DVL3: variants seen among roughly 807,000 people sequenced by gnomAD.
DVL3 encodes dishevelled segment polarity protein 3, also known as segment polarity protein dishevelled homolog DVL-3.
A neutral mutation model predicts 67.4 loss-of-function variants in DVL3; 27 were observed. That is an observed-to-expected ratio of 0.40 (90% CI 0.30 to 0.55). The LOEUF is 0.55. Among genes scored for constraint, DVL3 ranks in the 20% least tolerant of loss-of-function variants. The probability of loss-of-function intolerance (pLI) is 0.46; values close to 1 mark genes in which losing one functional copy is unlikely to be tolerated. For synonymous variants in DVL3, 369 were observed against 396.8 expected (o/e 0.93, Z 0.83); for missense variants, 819 against 1,021.5 (o/e 0.80, Z 2.70).
Position 184,165,015 on chromosome 3 carries a change from C to T in DVL3, c.599+84C>T. 6.2e-7 allele frequency: 1 copy of T among 1,608,580 alleles called. No homozygotes were observed. Among genetic ancestry groups the T allele is most frequent in the Non-Finnish European group, 8.5e-7 (1 of 1,176,832 alleles). ...CTGAGGATGCGGGGCCCCTGGGAGG[C>T]TTATGGGCTTTGTGTTGGGGACCCA... On this transcript the variant is annotated intron_variant, in intron 5 of 14. Coordinates refer to ENST00000313143, the MANE Select transcript of DVL3 (RefSeq NM_004423.4). The surrounding 1 kb of genome is among the most constrained non-coding windows in gnomAD (Gnocchi z 4.1).
At chr3:184,156,008 G>C (rs1377225343) in intron 1 of DVL3, among the ~76,000 whole-genome samples, 7 of 152,148 alleles carry the variant, frequency 4.6e-5, no homozygotes, top group Admixed American at 1.3e-4. Context: ...CCTTGTTTAA[G>C]GGGACGTCCA....
chr3:184,170,088 G>A lies in DVL3; in HGVS notation c.1581G>A (p.Pro527=), dbSNP rs775276473. Residue 527 remains proline (P), a synonymous_variant, in exon 14 of 15, where the codon CCG becomes CCA. Coordinates refer to ENST00000313143, the MANE Select transcript of DVL3 (RefSeq NM_004423.4). This position sits in a 1 kb window ranked among gnomAD's most constrained non-coding sequence, Gnocchi z 6.5. The part of the protein sequence containing the change: ...DQDTLAPLPH[P]GAAPWPMAFP... The stretch of plus-strand genomic sequence containing the variant: ...ACACACTGGCCCCTTTGCCGCACCC[G>A]GGGGCCGCCCCTTGGCCCATGGCTT... 27 of 1,613,602 alleles carry A rather than the reference G, an allele frequency of 1.7e-5. No homozygotes were observed. Among genetic ancestry groups the A allele is most frequent in the East Asian group, 2.2e-5 (1 of 44,868 alleles).
chr3:184,169,884 G>A (rs1000058861), intron 13 of DVL3, 122 bp from the exon 14 acceptor site: 1 of 900,486 alleles, frequency 1.1e-6, no homozygotes, highest in Non-Finnish European at 1.7e-6. Context: ...AGCTCTCTGG[G>A]CTGTGCCTCC....
chr3:184,169,965 C>T (rs1177385080), intron 13 of DVL3, 41 bp from the exon 14 acceptor site: 1 of 1,536,142 alleles, frequency 6.5e-7, no homozygotes, highest in African/African-American at 1.4e-5. Flanking sequence ...AGGGACCTCT[C>T]TCCGGAAAGA....
chr3:184,169,259 T>C (rs748041670), intron 13 of DVL3, among the ~76,000 whole-genome samples: 5 of 152,238 alleles, frequency 3.3e-5, no homozygotes, highest in Non-Finnish European at 5.9e-5. Flanking sequence ...TTCTGATTAG[T>C]TTAGGCTGAG....
chr3:184,166,950 C>T lies in DVL3; in HGVS notation c.1173C>T (p.Ile391=). The change falls in exon 11 of 15, where the codon ATC becomes ATT. Residue 391 remains isoleucine (I), a synonymous_variant. Coordinates refer to ENST00000313143, the MANE Select transcript of DVL3 (RefSeq NM_004423.4). The surrounding 1 kb of genome is among the most constrained non-coding windows in gnomAD (Gnocchi z 6.7). ...LSTITSTSSS[I]TSSIPDTERL... is the part of the protein sequence containing the mutation. Reference sequence around the variant, plus strand: ...CCATCACCTCCACCAGCTCCTCCATCACCAGTTCCATCCCTGACACAGAGC... The same window carrying T: ...CCATCACCTCCACCAGCTCCTCCATTACCAGTTCCATCCCTGACACAGAGC... 6.2e-7 allele frequency: 1 copy of T among 1,614,126 alleles called. No individual in the cohort carries two copies. The highest frequency in any genetic ancestry group is 8.5e-7 in the Non-Finnish European group (1 of 1,180,018).
At position 184,171,676 on chromosome 3, in the gene DVL3, T is replaced by C; in HGVS notation, c.*921T>C. 2.3e-6 allele frequency: 2 copies of C among 862,888 alleles called. No individual in the cohort carries two copies. Among genetic ancestry groups the C allele is most frequent in the Non-Finnish European group, 2.8e-6 (2 of 717,702 alleles). 53.5% of individuals were successfully genotyped at this position (862,888 alleles called of 1,614,324 possible). A position where few individuals can be genotyped will look rare whatever the true frequency, so the allele number is the denominator to read the frequency against. On this transcript the variant is annotated 3_prime_UTR_variant, in exon 15 of 15. Transcript: ENST00000313143. ...GCAGCCCCTCAGGGCTTCCCAAGGA[T>C]GTCCAGCCCCCACACCCACACGTTA...
In DVL3 at chr3:184,166,411, C is replaced by G; in HGVS notation, c.904-35C>G. 6.2e-7 allele frequency: 1 copy of G among 1,613,510 alleles called. No individual in the cohort carries two copies. The highest frequency in any genetic ancestry group is 1.1e-5 in the South Asian group (1 of 91,048). On this transcript the variant is annotated intron_variant, in intron 8 of 14. Transcript: ENST00000313143. This position sits in a 1 kb window ranked among gnomAD's most constrained non-coding sequence, Gnocchi z 6.7. ...TGAGTTCCCTTTTCATCCTCCCCAGCACAGCTGTTTATCCCACTCCTGGTC... is the reference window on the plus strand; with the variant it reads ...TGAGTTCCCTTTTCATCCTCCCCAGGACAGCTGTTTATCCCACTCCTGGTC...
At position 184,164,675 on chromosome 3, in the gene DVL3, C is replaced by T. The variant is rs539611046; in HGVS notation, c.463+74C>T. ...CACTTTCCACCCAGCTACCCACCTT[C>T]TTGCCCTACTTCCCGAGCTCAGGAT... is the stretch of plus-strand genomic sequence containing the variant. On this transcript the variant is annotated intron_variant, in intron 4 of 14. Transcript: ENST00000313143. The surrounding 1 kb of genome is among the most constrained non-coding windows in gnomAD (Gnocchi z 5.3). The T allele has an allele frequency of 2.1e-4, 324 of 1,561,442 alleles. 4 individuals carry two copies. In the South Asian group the frequency reaches 3.2e-3, roughly 16 times the overall value.
At position 184,168,012 on chromosome 3, in the gene DVL3, A is replaced by G; in HGVS notation, c.1445A>G (p.Asn482Ser). 3 of 1,614,272 alleles carry G rather than the reference A, an allele frequency of 1.9e-6. No individual in the cohort carries two copies. The highest frequency in any genetic ancestry group is 2.5e-6 in the Non-Finnish European group (3 of 1,180,040). ...GCTGGCTTCATCCGCCATACCGTCA[A>G]CAAGATCACCTTCTCCGAGCAGTGC... ...LKAGFIRHTV[N>S]KITFSEQCYY... is the part of the protein sequence containing the mutation. The change falls in exon 13 of 15, where the codon AAC becomes AGC. Residue 482 changes from asparagine to serine, a missense_variant. By Grantham distance (46) the Asn-to-Ser change is conservative. Around this residue, in one of 3 missense-constraint regions of DVL3, gnomAD observed 110 missense variants for 203.4 expected, o/e 0.54. Transcript: ENST00000313143.
chr3:184,163,544 G>A lies in DVL3; in HGVS notation c.162-113G>A, dbSNP rs1283278683. On this transcript the variant is annotated intron_variant, in intron 1 of 14. Coordinates refer to ENST00000313143, the MANE Select transcript of DVL3 (RefSeq NM_004423.4). The surrounding 1 kb of genome is among the most constrained non-coding windows in gnomAD (Gnocchi z 4.5). ...CCTCTGCTTTCATTTGAACAGTCTT[G>A]TGCTGGTGGTTTGATTCCCAGTTTA... is the stretch of plus-strand genomic sequence containing the variant. 3.2e-6 allele frequency: 3 copies of A among 934,818 alleles called. No individual in the cohort carries two copies. Among genetic ancestry groups the A allele is most frequent in the Middle Eastern group, 2.4e-4 (1 of 4,200 alleles). The allele number at this position is 934,818 out of a possible 1,614,324, so 57.9% of individuals were successfully genotyped here. A position where few individuals can be genotyped will look rare whatever the true frequency, so the allele number is the denominator to read the frequency against.
rs944500352 is a variant in DVL3 at position 184,167,328 on chromosome 3, T to C, written c.1199-252T>C. On this transcript the variant is annotated intron_variant, in intron 11 of 14. Coordinates refer to ENST00000313143, the MANE Select transcript of DVL3 (RefSeq NM_004423.4). The surrounding 1 kb of genome is among the most constrained non-coding windows in gnomAD (Gnocchi z 4.6). ...ATTCAGTAAACGGCAGCCATTTCGA[T>C]TATCATCACATGCACATCGTACACT... 1.3e-5 allele frequency among the ~76,000 whole-genome samples: 2 copies of C among 152,156 alleles called. No homozygotes were observed. The highest frequency in any genetic ancestry group is 2.4e-5 in the African/African-American group (1 of 41,444).
chr3:184,156,166 C>G (rs1560114978), intron 1 of DVL3, among the ~76,000 whole-genome samples: 3 of 152,150 alleles, frequency 2.0e-5, no homozygotes. Context: ...CCAGAGCCAC[C>G]TTTTTCCGCA....
Position 184,155,797 on chromosome 3 carries a change from G to A in DVL3, c.161+1G>A. 6.2e-7 allele frequency: 1 copy of A among 1,605,544 alleles called. No homozygotes were observed. The highest frequency in any genetic ancestry group is 8.5e-7 in the Non-Finnish European group (1 of 1,176,326). On this transcript the variant is annotated splice_donor_variant, in intron 1 of 14. Coordinates refer to ENST00000313143, the MANE Select transcript of DVL3 (RefSeq NM_004423.4). LOFTEE classifies it high-confidence loss of function. The surrounding 1 kb of genome is among the most constrained non-coding windows in gnomAD (Gnocchi z 5.4). ...TCAAGTCTATGGACGACGATTTCGG[G>A]TGAGGATGGCCCCCGCCCCGCCTCC...
chr3:184,170,428 C>T lies in DVL3; in HGVS notation c.1824C>T (p.Thr608=). The change falls in exon 15 of 15, where the codon ACC becomes ACT. Residue 608 remains threonine (T), a synonymous_variant. Coordinates refer to ENST00000313143, the MANE Select transcript of DVL3 (RefSeq NM_004423.4). The surrounding 1 kb of genome is among the most constrained non-coding windows in gnomAD (Gnocchi z 6.5). ...GCAGCGGCAGCGAATCGGACCACACCACACGCAGCAGCCTGCGGGGGCCGC... is the reference window on the plus strand; with the variant it reads ...GCAGCGGCAGCGAATCGGACCACACTACACGCAGCAGCCTGCGGGGGCCGC... ...SGGSGSESDH[T]TRSSLRGPRE... 6.3e-7 allele frequency: 1 copy of T among 1,594,006 alleles called. No individual in the cohort carries two copies. Among genetic ancestry groups the T allele is most frequent in the Non-Finnish European group, 8.5e-7 (1 of 1,170,736 alleles).
rs1028356506 is a variant in DVL3, at chr3:184,171,427, C to T, written c.*672C>T. Reference sequence around the variant, plus strand: ...GCTTCCAGGGAGCATCTCTGCTCTACCCCTGCCCCATGCCTGCCCTGCGTG... The same window carrying T: ...GCTTCCAGGGAGCATCTCTGCTCTATCCCTGCCCCATGCCTGCCCTGCGTG... On this transcript the variant is annotated 3_prime_UTR_variant, in exon 15 of 15. Coordinates refer to ENST00000313143, the MANE Select transcript of DVL3 (RefSeq NM_004423.4). The T allele has an allele frequency of 5.0e-6, 5 of 991,242 alleles. No individual in the cohort carries two copies. Among genetic ancestry groups the T allele is most frequent in the Non-Finnish European group, 6.0e-6 (5 of 834,040 alleles). The allele number at this position is 991,242 out of a possible 1,614,324, so 61.4% of individuals were successfully genotyped here.
rs867680039 is a variant in DVL3, at chr3:184,163,395, G to T, written c.162-262G>T. Among the ~76,000 whole-genome samples the T allele has an allele frequency of 1.3e-5, 2 of 152,232 alleles. No homozygotes were observed. Among genetic ancestry groups the T allele is most frequent in the African/African-American group, 4.8e-5 (2 of 41,446 alleles). On this transcript the variant is annotated intron_variant, in intron 1 of 14. Coordinates refer to ENST00000313143, the MANE Select transcript of DVL3 (RefSeq NM_004423.4). This position sits in a 1 kb window ranked among gnomAD's most constrained non-coding sequence, Gnocchi z 4.5. ...ATTTTAGGGAGTGGCATGGGGGACA[G>T]TGATGTGTCAGTTGTAATTTGCAAT...
Position 184,170,083 on chromosome 3 carries a change from C to A in DVL3, c.1576C>A (p.His526Asn), listed in dbSNP as rs371886763. The part of the protein sequence containing the change: ...SDQDTLAPLP[H>N]PGAAPWPMAF... The stretch of plus-strand genomic sequence containing the variant: ...CCAGGACACACTGGCCCCTTTGCCG[C>A]ACCCGGGGGCCGCCCCTTGGCCCAT... The change falls in exon 14 of 15, where the codon CAC (histidine) becomes AAC (asparagine). Residue 526 changes from histidine to asparagine, a missense_variant. By Grantham distance (68) the His-to-Asn change is moderately conservative. Transcript: ENST00000313143. The surrounding 1 kb of genome is among the most constrained non-coding windows in gnomAD (Gnocchi z 6.5). 20 of 1,613,866 alleles carry A rather than the reference C, an allele frequency of 1.2e-5. No homozygotes were observed. Among genetic ancestry groups the A allele is most frequent in the African/African-American group, 1.3e-5 (1 of 74,936 alleles).
rs772228073 is a variant in DVL3 at position 184,160,106 on chromosome 3, AT to A, written c.162-3533del. Among the ~76,000 whole-genome samples, 457 of 127,126 alleles carry A rather than the reference AT, an allele frequency of 3.6e-3. 2 individuals carry two copies. Among genetic ancestry groups the A allele is most frequent in the South Asian group, 4.6e-3 (18 of 3,944 alleles). 83.4% of individuals were successfully genotyped at this position (127,126 alleles called of 152,430 possible). A position where few individuals can be genotyped will look rare whatever the true frequency, so the allele number is the denominator to read the frequency against. On this transcript the variant is annotated intron_variant, in intron 1 of 14. Transcript: ENST00000313143. ...AGGTGCCCGCCACCACGCCCTGCTA[AT>A]TTTTTTTTTTTTTTTTTGGTATTTT...
Sources: allele counts gnomAD v4.1 joint callset (sites outside exome capture counted in the v4.1 genomes callset), GRCh38; gene constraint gnomAD v4.1.1; regional missense constraint gnomAD v4.1.1; non-coding constraint Gnocchi (gnomAD v3.1); transcripts MANE v1.5; gene names NCBI Gene and HGNC (gene_info 2026-07-23, HGNC 2026-07-21).